LITAF: variants seen among roughly 807,000 people sequenced by gnomAD.
LITAF encodes lipopolysaccharide induced TNF factor.
LITAF carries 9 observed loss-of-function variants against 14.5 expected under a neutral mutation model. That is an observed-to-expected ratio of 0.62 (90% CI 0.37 to 1.08). LITAF has a LOEUF of 1.08. Among genes scored for constraint, LITAF ranks in the 50% least tolerant of loss-of-function variants. The pLI is 0.01. For synonymous variants in LITAF, 98 were observed against 88.2 expected (o/e 1.11, Z -0.62); for missense variants, 206 against 213.4 (o/e 0.97, Z 0.22).
At chr16:11,638,258 G>A (rs891390652), upstream of LITAF, among the ~76,000 whole-genome samples, 14 of 151,354 alleles carry the variant, frequency 9.2e-5, no homozygotes, top group Admixed American at 3.3e-4. Context: ...CTTCCCCATA[G>A]GTTTGGGGTG....
At chr16:11,619,581 T>G (rs1044121907) in intron 3 of LITAF, among the ~76,000 whole-genome samples, 4 of 151,324 alleles carry the variant, frequency 2.6e-5, no homozygotes, top group African/African-American at 7.3e-5. Flanking sequence ...TTTGTTTTTT[T>G]TTTTGGAGAC....
At chr16:11,614,805 CT>C (rs2065006960) in intron 3 of LITAF, among the ~76,000 whole-genome samples, 1 of 152,216 alleles carries the variant, frequency 6.6e-6, no homozygotes, top group African/African-American at 2.4e-5. Context: ...CTTACTTCCT[CT>C]GATATGCCTA....
intron 1 of LITAF, among the ~76,000 whole-genome samples, chr16:11,570,872 T>C (rs1387632256): frequency 6.6e-6 from 1 of 151,880 alleles, no homozygotes; most frequent in Non-Finnish European, 1.5e-5. Context: ...GAGCCACAGC[T>C]GCACCACTAC....
At chr16:11,574,041 G>T (rs1251887980) in intron 1 of LITAF, among the ~76,000 whole-genome samples, 4 of 149,226 alleles carry the variant, frequency 2.7e-5, no homozygotes, top group African/African-American at 9.9e-5. Context: ...TTAAAGACAG[G>T]TTCTCACTGG....
At chr16:11,621,275 G>C (rs1003094833) in intron 3 of LITAF, among the ~76,000 whole-genome samples, 1 of 152,140 alleles carries the variant, frequency 6.6e-6, no homozygotes, top group Non-Finnish European at 1.5e-5. Flanking sequence ...TGTTGGTCAG[G>C]CTGGTCTCGA....
chr16:11,562,518 T>C (rs1340294227), intron 1 of LITAF, among the ~76,000 whole-genome samples: 1 of 152,082 alleles, frequency 6.6e-6, no homozygotes, highest in Non-Finnish European at 1.5e-5. Flanking sequence ...CACTTTCACA[T>C]CTATAAATAT....
chr16:11,597,989 C>T (rs995826333), intron 1 of LITAF, among the ~76,000 whole-genome samples: 6 of 152,146 alleles, frequency 3.9e-5, no homozygotes, highest in African/African-American at 1.4e-4. Flanking sequence ...TCACTGCAGC[C>T]TCTACCTCCT....
At chr16:11,597,651 G>A (rs905957472) in intron 1 of LITAF, among the ~76,000 whole-genome samples, 3 of 152,240 alleles carry the variant, frequency 2.0e-5, no homozygotes, top group East Asian at 1.9e-4. Flanking sequence ...GCCCAGATCT[G>A]TGACTTTCTG....
intron 2 of LITAF, among the ~76,000 whole-genome samples, chr16:11,633,806 C>T (rs545037619): frequency 2.4e-4 from 37 of 152,278 alleles, no homozygotes; most frequent in African/African-American, 7.0e-4. Flanking sequence ...TTTCACTTTA[C>T]GGACTTGCCC....
At chr16:11,636,492 G>A (rs1251216686), upstream of LITAF, 1 of 152,274 alleles carries the variant, frequency 6.6e-6, no homozygotes, top group Non-Finnish European at 1.5e-5. Context: ...AGCACGTGAA[G>A]AACTGGTTAG....
In LITAF at chr16:11,558,312, G is replaced by A. The variant is rs1372321830; in HGVS notation, c.-5-1577C>T. Among the ~76,000 whole-genome samples the A allele has an allele frequency of 1.3e-5, 2 of 152,214 alleles. No individual in the cohort carries two copies. Among genetic ancestry groups the A allele is most frequent in the African/African-American group, 4.8e-5 (2 of 41,456 alleles). ...AGAGACCAGGTGCGGTGGCTCACCTGTAATCCCAGCACTCTGTGGAGCCGA... is the reference window on the plus strand; with the variant it reads ...AGAGACCAGGTGCGGTGGCTCACCTATAATCCCAGCACTCTGTGGAGCCGA... On this transcript the variant is annotated intron_variant, in intron 1 of 3. Coordinates refer to ENST00000622633, the MANE Select transcript of LITAF (RefSeq NM_001136472.2). This position sits in a 1 kb window ranked among gnomAD's most constrained non-coding sequence, Gnocchi z 4.1.
At chr16:11,563,133 C>G (rs1194348946) in intron 1 of LITAF, among the ~76,000 whole-genome samples, 1 of 145,260 alleles carries the variant, frequency 6.9e-6, no homozygotes, top group Non-Finnish European at 1.5e-5. Flanking sequence ...TATCTCTACA[C>G]AAAAAAATTA....
At chr16:11,589,167 CA>C (rs1006092411), upstream of LITAF, among the ~76,000 whole-genome samples, 2 of 152,054 alleles carry the variant, frequency 1.3e-5, no homozygotes, top group African/African-American at 4.8e-5. Context: ...GGCTTCCAAC[CA>C]GGGGGTAAAA....
intron 2 of LITAF, among the ~76,000 whole-genome samples, chr16:11,554,994 AG>A (rs2064246217): frequency 6.6e-6 from 1 of 152,194 alleles, no homozygotes; most frequent in South Asian, 2.1e-4. Flanking sequence ...CCCTCCTTCC[AG>A]AAAAGTAGTA....
At chr16:11,555,866 T>G (rs2064260437) in intron 2 of LITAF, among the ~76,000 whole-genome samples, 1 of 152,078 alleles carries the variant, frequency 6.6e-6, no homozygotes, top group South Asian at 2.1e-4. Flanking sequence ...AATAGGTACT[T>G]GATGAAACCT....
Position 11,556,738 on chromosome 16 carries a change from A to G in LITAF, c.-5-3T>C, listed in dbSNP as rs766216105. ...AGGTCCTGGAACCGACATTTTACCT[A>G]AAACAGAAACAGAACATACCAGATA... On this transcript the variant is annotated splice_region_variant and splice_polypyrimidine_tract_variant and intron_variant, in intron 1 of 3. Transcript: ENST00000622633. The G allele has an allele frequency of 9.3e-6, 15 of 1,612,130 alleles. No homozygotes were observed. The South Asian group carries it at 1.6e-4, about 18-fold the overall frequency.
At chr16:11,637,758 G>A (rs1448105996), upstream of LITAF, among the ~76,000 whole-genome samples, 1 of 150,970 alleles carries the variant, frequency 6.6e-6, no homozygotes, top group East Asian at 1.9e-4. Context: ...GGTGGTGCCT[G>A]TAGTCCCAGC....
At chr16:11,551,162 G>A (rs9941211) in intron 3 of LITAF, among the ~76,000 whole-genome samples, 1 of 152,176 alleles carries the variant, frequency 6.6e-6, no homozygotes, top group Admixed American at 6.6e-5. Context: ...ACATAAAGCA[G>A]AATTTGGAAA....
At chr16:11,564,009 C>T (rs1214804151) in intron 1 of LITAF, among the ~76,000 whole-genome samples, 2 of 152,058 alleles carry the variant, frequency 1.3e-5, no homozygotes, top group Non-Finnish European at 2.9e-5. Context: ...CAGGTTCAAA[C>T]GATTGTCCTG....
Sources: gnomAD v4.1 joint callset for allele counts (sites outside exome capture counted in the v4.1 genomes callset) on GRCh38, gnomAD v4.1.1 for gene constraint, Gnocchi (gnomAD v3.1) non-coding constraint, MANE v1.5 for transcripts, NCBI Gene and HGNC (gene_info 2026-07-23, HGNC 2026-07-21) for gene names.